Variants in RFC1 observed in about 807,000 individuals in gnomAD.
The protein encoded by RFC1 is replication factor C subunit 1.
RFC1 carries 37 observed loss-of-function variants against 137.4 expected under a neutral mutation model. The observed-to-expected ratio is 0.27, with a 90% CI of 0.21 to 0.35. The LOEUF is 0.35. Ranked by LOEUF, RFC1 falls within the 10% of genes least tolerant of loss-of-function variation. The pLI, the probability that RFC1 is intolerant of heterozygous loss-of-function variation, is 1.00. For synonymous variants in RFC1, 429 were observed against 455.7 expected, an observed-to-expected ratio of 0.94 and a Z score of 0.75; for missense variants, 1,205 against 1,358.5, an observed-to-expected ratio of 0.89 and a Z score of 1.78.
In RFC1 at chr4:39,342,147, A is replaced by T. The variant is rs191964433; in HGVS notation, c.331+198T>A. On this transcript the variant is annotated intron_variant, in intron 4 of 24. Transcript: ENST00000349703. ...ATACAAGCACTTAAAAAAAATTCCA[A>T]GAGCAATTTCCCTGTAATTGGTCCT... Among the ~76,000 whole-genome samples the T allele has an allele frequency of 3.0e-3, 456 of 152,360 alleles. 4 individuals are homozygous for T. The highest frequency in any genetic ancestry group is 6.2e-4 in the Non-Finnish European group (42 of 68,040).
intron 21 of RFC1, among the ~76,000 whole-genome samples, chr4:39,296,483 A>G (rs1196327722): frequency 8.5e-6 from 1 of 117,876 alleles, no homozygotes; most frequent in Non-Finnish European, 1.7e-5. Flanking sequence ...ATTCCCACCT[A>G]TGAGTGAGAA....
chr4:39,309,059 A>G lies in RFC1; in HGVS notation c.1489-27T>C, dbSNP rs778361483. ...TTAAGAAGTGGAAAAATGAGGAAAA[A>G]AGAAACCTGATGAAACATACAGAAT... On this transcript the variant is annotated intron_variant, in intron 12 of 24. Transcript: ENST00000349703. 1.3e-5 allele frequency: 21 copies of G among 1,563,458 alleles called. No homozygotes were observed. In the East Asian group the frequency reaches 2.0e-4, roughly 15 times the overall value.
At chr4:39,345,371 A>T (rs55928569) in intron 3 of RFC1, 30 bp downstream of exon 3, 9 of 1,589,750 alleles carry the variant, frequency 5.7e-6, no homozygotes, top group Non-Finnish European at 7.8e-6. Flanking sequence ...TAACTTTAAA[A>T]TTTTAAAGCT....
At chr4:39,298,837 G>C (rs959205485) in intron 21 of RFC1, among the ~76,000 whole-genome samples, 4 of 152,146 alleles carry the variant, frequency 2.6e-5, no homozygotes, top group African/African-American at 9.7e-5. Context: ...GGCCAGATTG[G>C]GCCGGGCGCA....
At chr4:39,299,363 T>C (rs571835649) in intron 21 of RFC1, among the ~76,000 whole-genome samples, 1 of 152,172 alleles carries the variant, frequency 6.6e-6, no homozygotes, top group South Asian at 2.1e-4. Context: ...TTTCCGTGTG[T>C]GTGTCTTTAA....
intron 4 of RFC1, among the ~76,000 whole-genome samples, chr4:39,338,445 T>C (rs927400185): frequency 9.9e-5 from 15 of 152,164 alleles, no homozygotes; most frequent in African/African-American, 3.4e-4. Flanking sequence ...AAGCCACATA[T>C]AAAATTTCAA....
chr4:39,296,654 G>C (rs1335231673), intron 21 of RFC1, among the ~76,000 whole-genome samples: 1 of 151,076 alleles, frequency 6.6e-6, no homozygotes, highest in Non-Finnish European at 1.5e-5. Context: ...GTCTATCATT[G>C]TTGGACATTT....
Position 39,366,280 on chromosome 4 carries a change from G to T in RFC1, c.-39C>A. On this transcript the variant is annotated 5_prime_UTR_variant, in exon 1 of 25. Transcript: ENST00000349703. ...TGAAGGCGCTGGCTGGCTGGCGGGT[G>T]GGCCGGTTGAGGAATCTGTTATCGA... The T allele has an allele frequency of 6.6e-7, 1 of 1,522,876 alleles. No homozygotes were observed. Among genetic ancestry groups the T allele is most frequent in the Non-Finnish European group, 8.8e-7 (1 of 1,134,350 alleles). 94.3% of individuals were successfully genotyped at this position (1,522,876 alleles called of 1,614,324 possible).
intron 4 of RFC1, among the ~76,000 whole-genome samples, chr4:39,339,047 G>A (rs186527078): frequency 1.2e-4 from 18 of 151,916 alleles, no homozygotes; most frequent in East Asian, 3.9e-4. Context: ...AATGTCCGCC[G>A]GGTTCACACA....
chr4:39,366,056 C>T (rs1011121793), intron 1 of RFC1, among the ~76,000 whole-genome samples, 183 bp downstream of exon 1: 1 of 152,220 alleles, frequency 6.6e-6, no homozygotes, highest in Non-Finnish European at 1.5e-5. Flanking sequence ...AGAGCCAGAG[C>T]CCGCGATGCA....
At chr4:39,330,453 T>TCA in intron 4 of RFC1, among the ~76,000 whole-genome samples, 2 of 152,246 alleles carry the variant, frequency 1.3e-5, no homozygotes, top group South Asian at 4.2e-4. Flanking sequence ...AAGCACATTT[T>TCA]CTCTAATAAT....
intron 4 of RFC1, chr4:39,341,704 A>G: frequency 2.2e-6 from 1 of 455,884 alleles, no homozygotes; most frequent in Non-Finnish European, 4.4e-6. Flanking sequence ...TGACTTCACC[A>G]CTAACTTATC....
At chr4:39,307,642 G>A (rs1173303032) in intron 13 of RFC1, among the ~76,000 whole-genome samples, 1 of 152,066 alleles carries the variant, frequency 6.6e-6, no homozygotes, top group Non-Finnish European at 1.5e-5. Context: ...CCTGAACCCA[G>A]GAAGCAGAGG....
chr4:39,307,950 G>A (rs1211284919), intron 13 of RFC1, among the ~76,000 whole-genome samples: 1 of 152,106 alleles, frequency 6.6e-6, no homozygotes, highest in African/African-American at 2.4e-5. Context: ...TAAAACATTT[G>A]TGATCTCAAA....
chr4:39,291,929 T>TA, intron 22 of RFC1, 77 bp from the exon 23 acceptor site: 1 of 1,026,602 alleles, frequency 9.7e-7, no homozygotes, highest in South Asian at 1.3e-5. Context: ...AGCACTGAGT[T>TA]AATCAGGCAG....
At position 39,327,722 on chromosome 4, in the gene RFC1, G is replaced by A; in HGVS notation, c.366C>T (p.Ala122=). The change falls in exon 5 of 25, where the codon GCC becomes GCT. Residue 122 remains alanine (A), a synonymous_variant. Coordinates refer to ENST00000349703, the MANE Select transcript of RFC1 (RefSeq NM_002913.5). ...EEDDFMCKKA[A]SKSKENGRST... is the part of the protein sequence containing the mutation. ...ATCTTCCATTCTCTTTTGATTTAGA[G>A]GCCGCCTTCTTACACATAAAGTCAT... 1 of 1,610,260 alleles carries A rather than the reference G, an allele frequency of 6.2e-7. No individual in the cohort carries two copies. The highest frequency in any genetic ancestry group is 1.7e-4 in the Middle Eastern group (1 of 5,938).
chr4:39,358,328 CTG>C (rs1023760440), intron 1 of RFC1, among the ~76,000 whole-genome samples: 28 of 152,052 alleles, frequency 1.8e-4, no homozygotes, highest in African/African-American at 6.5e-4. Flanking sequence ...AATAAAATAA[CTG>C]TATTTCTCTA....
intron 12 of RFC1, 32 bp downstream of exon 12, chr4:39,311,413 A>AC: frequency 6.4e-7 from 1 of 1,567,354 alleles, no homozygotes; most frequent in Non-Finnish European, 8.8e-7. Flanking sequence ...GTTAATATAC[A>AC]CCAACTTAAA....
Position 39,304,998 on chromosome 4 carries a change from CAG to C in RFC1, c.1996-72_1996-71del, listed in dbSNP as rs1358424965. The C allele has an allele frequency of 4.6e-6, 4 of 867,416 alleles. No homozygotes were observed. In the Admixed American group the frequency reaches 7.1e-5, roughly 15 times the overall value. The allele number at this position is 867,416 out of a possible 1,614,324, so 53.7% of individuals were successfully genotyped here. A position where few individuals can be genotyped will look rare whatever the true frequency, so the allele number is the denominator to read the frequency against. Reference sequence around the variant, plus strand: ...CTCCACCACCCCCGCCAAGAAAGGCCAGTTAAGAAAGAAAGAAGGTACAAAAT... The same window carrying C: ...CTCCACCACCCCCGCCAAGAAAGGCCTTAAGAAAGAAAGAAGGTACAAAAT... On this transcript the variant is annotated intron_variant, in intron 14 of 24. Coordinates refer to ENST00000349703, the MANE Select transcript of RFC1 (RefSeq NM_002913.5).
Sources: gnomAD v4.1 joint callset for allele counts (sites outside exome capture counted in the v4.1 genomes callset) on GRCh38, gnomAD v4.1.1 for gene constraint, MANE v1.5 for transcripts, NCBI Gene and HGNC (gene_info 2026-07-23, HGNC 2026-07-21) for gene names.